Variants in TUT1 observed in about 807,000 individuals in gnomAD.
The protein encoded by TUT1 is speckle targeted PIP5K1A-regulated poly(A) polymerase.
TUT1 carries 26 observed loss-of-function variants against 48.8 expected under a neutral mutation model. The ratio of observed to expected loss-of-function variants is 0.53; its 90% CI spans 0.39 to 0.74. The LOEUF is 0.74. Ranked by LOEUF, TUT1 falls within the 30% of genes least tolerant of loss-of-function variation. The pLI, the probability that TUT1 is intolerant of heterozygous loss-of-function variation, is 0.00. For missense variants in TUT1, 1,065 were observed against 1,114.8 expected, an observed-to-expected ratio of 0.96 and a Z score of 0.64; for synonymous variants, 470 against 460.8, an observed-to-expected ratio of 1.02 and a Z score of -0.26.
intron 8 of TUT1, 137 bp downstream of exon 8, chr11:62,576,520 G>A (rs979487232): frequency 1.4e-5 from 12 of 865,962 alleles, no homozygotes; most frequent in Non-Finnish European, 1.8e-5. Context: ...TTCTTCATCT[G>A]TAAAATGGCA....
chr11:62,577,371 A>G (rs1941746886), intron 5 of TUT1, 80 bp from the exon 6 acceptor site: 7 of 1,100,996 alleles, frequency 6.4e-6, no homozygotes, highest in African/African-American at 1.6e-5. Context: ...CCAGACTTGC[A>G]TAACTGGAGC....
intron 6 of TUT1, 74 bp downstream of exon 6, chr11:62,577,108 T>C: frequency 6.3e-7 from 1 of 1,585,194 alleles, no homozygotes; most frequent in Non-Finnish European, 8.6e-7. Context: ...CATTCTGACC[T>C]CCCTTCTCTC....
chr11:62,575,728 T>G lies in TUT1; in HGVS notation c.1991A>C (p.Asp664Ala). ...CTCCTCACAGCAGTTTTTCTGTCCA[T>G]CTACTTTGAGTCTTTTGCTTGTCCC... ...QGGTSKRLKV[D>A]GQKNCCEEGK... is the part of the protein sequence containing the mutation. Residue 664 changes from aspartate (D) to alanine (A), a missense_variant, in exon 9 of 9, where the codon GAT becomes GCT. Asp to Ala is a moderately radical substitution (Grantham distance 126). Transcript: ENST00000476907. 1 of 1,614,144 alleles carries G rather than the reference T, an allele frequency of 6.2e-7. No individual in the cohort carries two copies. Among genetic ancestry groups the G allele is most frequent in the Non-Finnish European group, 8.5e-7 (1 of 1,179,986 alleles).
rs1941968271 is a variant in TUT1 at position 62,589,186 on chromosome 11, G to A, written c.118C>T (p.His40Tyr). Residue 40 changes from histidine (H) to tyrosine (Y), a missense_variant, in exon 2 of 9, where the codon CAC becomes TAC. Coordinates refer to ENST00000476907, the MANE Select transcript of TUT1 (RefSeq NM_022830.3). Reference protein sequence around the residue: ...SLDAHLGGRKHRHLVELRAAR... With the variant: ...SLDAHLGGRKYRHLVELRAAR... Reference sequence around the variant, plus strand: ...GCTCGTAGTTCTACCAGGTGCCGGTGCTTTCTGCCTCCCAAGTGGGCATCA... The same window carrying A: ...GCTCGTAGTTCTACCAGGTGCCGGTACTTTCTGCCTCCCAAGTGGGCATCA... 1 of 1,614,188 alleles carries A rather than the reference G, an allele frequency of 6.2e-7. No individual in the cohort carries two copies. The highest frequency in any genetic ancestry group is 8.5e-7 in the Non-Finnish European group (1 of 1,180,026).
At position 62,591,504 on chromosome 11, in the gene TUT1, A is replaced by T; in HGVS notation, c.-19T>A. ...CCGCCATAGCGACTCTCCTGTACCG[A>T]CAAAAACACAAGCACCTCTGCCACC... On this transcript the variant is annotated 5_prime_UTR_variant, in exon 1 of 9. Coordinates refer to ENST00000476907, the MANE Select transcript of TUT1 (RefSeq NM_022830.3). The T allele has an allele frequency of 6.2e-7, 1 of 1,614,044 alleles. No homozygotes were observed. The highest frequency in any genetic ancestry group is 8.5e-7 in the Non-Finnish European group (1 of 1,179,982).
chr11:62,591,285 G>T, intron 1 of TUT1, 119 bp downstream of exon 1: 1 of 1,410,156 alleles, frequency 7.1e-7, no homozygotes, highest in African/African-American at 1.4e-5. Flanking sequence ...AAACGGAGGT[G>T]AGAGACCCTA....
Position 62,577,169 on chromosome 11 carries a change from G to A in TUT1, c.1270+13C>T. 6.2e-7 allele frequency: 1 copy of A among 1,608,158 alleles called. No homozygotes were observed. The highest frequency in any genetic ancestry group is 8.5e-7 in the Non-Finnish European group (1 of 1,177,522). On this transcript the variant is annotated intron_variant, in intron 6 of 8. Coordinates refer to ENST00000476907, the MANE Select transcript of TUT1 (RefSeq NM_022830.3). ...ACCAACTCAGCCCCAAGTCTGTCCT[G>A]ATCCATTCTCACCTGACAGCCCCCG...
At chr11:62,576,612 T>G in intron 8 of TUT1, 45 bp downstream of exon 8, 6 of 1,530,030 alleles carry the variant, frequency 3.9e-6, no homozygotes, top group Admixed American at 1.7e-5. Flanking sequence ...TACCTACTGT[T>G]GATGAACATC....
At position 62,591,489 on chromosome 11, in the gene TUT1, G is replaced by A. The variant is rs554657688; in HGVS notation, c.-4C>T. 12 of 1,611,236 alleles carry A rather than the reference G, an allele frequency of 7.4e-6. No individual in the cohort carries two copies. In the African/African-American group the frequency reaches 1.1e-4, roughly 14 times the overall value. On this transcript the variant is annotated 5_prime_UTR_variant, in exon 1 of 9. Transcript: ENST00000476907. ...CATCCGAATCCACCGCCGCCATAGCGACTCTCCTGTACCGACAAAAACACA... is the reference window on the plus strand; with the variant it reads ...CATCCGAATCCACCGCCGCCATAGCAACTCTCCTGTACCGACAAAAACACA...
rs1020036162 is a variant in TUT1, at chr11:62,576,115, C to T, written c.1604G>A (p.Arg535His). The change falls in exon 9 of 9, where the codon CGC becomes CAC. Residue 535 changes from arginine to histidine, a missense_variant. Physicochemically the swap from Arg to His is conservative, Grantham distance 29 (BLOSUM62 0). Transcript: ENST00000476907. ...GTCCTGGAGATTCAGGGGGCCAAGG[C>T]GCAGACCCTCCCAGAGATTAGAAGG... ...GLPSNLWEGLRLGPLNLQDPF... is the reference protein window; with the variant it reads ...GLPSNLWEGLHLGPLNLQDPF... 1.8e-5 allele frequency: 29 copies of T among 1,613,880 alleles called. No individual in the cohort carries two copies. Among genetic ancestry groups the T allele is most frequent in the South Asian group, 3.3e-5 (3 of 91,086 alleles).
chr11:62,579,364 A>C (rs866870263), intron 4 of TUT1, among the ~76,000 whole-genome samples: 1 of 152,180 alleles, frequency 6.6e-6, no homozygotes, highest in Non-Finnish European at 1.5e-5. Context: ...ATCTGTGTCA[A>C]TGTAACATTT....
chr11:62,580,066 G>C (rs959171845), intron 4 of TUT1, among the ~76,000 whole-genome samples: 3 of 152,116 alleles, frequency 2.0e-5, no homozygotes, highest in African/African-American at 7.2e-5. Context: ...CTTGAGCCCA[G>C]GAGTTCGAGA....
rs371996920 is a variant in TUT1, at chr11:62,576,961, G to A, written c.1327C>T (p.Gln443Ter). The A allele has an allele frequency of 1.2e-6, 2 of 1,614,006 alleles. No individual in the cohort carries two copies. Among genetic ancestry groups the A allele is most frequent in the South Asian group, 1.1e-5 (1 of 91,088 alleles). The part of the protein sequence containing the change: ...ALTLLVIYFL[Q>*]TRDPPVLPTV... The stretch of plus-strand genomic sequence containing the variant: ...GGCAACACAGGAGGGTCCCTGGTCT[G>A]AAGAAAATAGATCACCAGCAAGGTC... Residue 443 changes from glutamine to a stop codon, truncating the protein, a stop_gained, in exon 7 of 9, where the codon CAG becomes TAG. Transcript: ENST00000476907. LOFTEE classifies it high-confidence loss of function.
chr11:62,578,548 AAAAG>A lies in TUT1; in HGVS notation c.1160+9_1160+12del. On this transcript the variant is annotated intron_variant, in intron 5 of 8. Coordinates refer to ENST00000476907, the MANE Select transcript of TUT1 (RefSeq NM_022830.3). The stretch of plus-strand genomic sequence containing the variant: ...CAACGAGTGAAATGTCGTCTCAAAA[AAAAG>A]AAAGGTACCGGTTACTGAGGGAGAC... 1.3e-6 allele frequency: 2 copies of A among 1,566,398 alleles called. No homozygotes were observed. The highest frequency in any genetic ancestry group is 1.2e-5 in the South Asian group (1 of 84,766).
intron 1 of TUT1, among the ~76,000 whole-genome samples, chr11:62,590,858 G>C (rs11231153): frequency 0.99 from 151,144 of 151,970 alleles, 75,166 homozygotes; most frequent in Middle Eastern, 1. Flanking sequence ...AACCCCTTGT[G>C]TGTCATACAA....
chr11:62,583,636 G>A (rs1941866122), intron 2 of TUT1, among the ~76,000 whole-genome samples: 2 of 152,078 alleles, frequency 1.3e-5, no homozygotes, highest in Admixed American at 1.3e-4. Context: ...AGGAAAAACA[G>A]GACTGCTTTA....
At chr11:62,590,808 T>A in intron 1 of TUT1, among the ~76,000 whole-genome samples, 1 of 104,514 alleles carries the variant, frequency 9.6e-6, no homozygotes, top group Non-Finnish European at 2.0e-5. Context: ...CAAGACCTTG[T>A]CTCAAAAAAA....
In TUT1 at chr11:62,581,213, G is replaced by T. The variant is rs778223943; in HGVS notation, c.590-7C>A. The T allele has an allele frequency of 4.3e-6, 7 of 1,613,518 alleles. No individual in the cohort carries two copies. The South Asian group carries it at 5.5e-5, about 13-fold the overall frequency. On this transcript the variant is annotated splice_region_variant and splice_polypyrimidine_tract_variant and intron_variant, in intron 3 of 8. Transcript: ENST00000476907. The stretch of plus-strand genomic sequence containing the variant: ...AAAGGGTGGACCACACAGCCTGGGT[G>T]CCGAGCAGAGAAGAAAGGTCAAGAG...
intron 4 of TUT1, among the ~76,000 whole-genome samples, chr11:62,579,958 C>T (rs955663549): frequency 1.3e-5 from 2 of 152,002 alleles, no homozygotes; most frequent in Admixed American, 6.6e-5. Flanking sequence ...TGAACCACCG[C>T]GCCCGGCCAA....
Sources: gnomAD v4.1 joint callset for allele counts (sites outside exome capture counted in the v4.1 genomes callset) on GRCh38, gnomAD v4.1.1 for gene constraint, MANE v1.5 for transcripts, NCBI Gene and HGNC (gene_info 2026-07-23, HGNC 2026-07-21) for gene names.